Variants in FRK observed in about 807,000 individuals in gnomAD.
FRK encodes tyrosine-protein kinase FRK.
FRK carries 51 observed loss-of-function variants against 56.4 expected under a neutral mutation model. The observed-to-expected ratio is 0.90, with a 90% confidence interval of 0.72 to 1.14. The LOEUF is 1.14. FRK is among the 50% of genes most tolerant of loss of function. The probability of loss-of-function intolerance (pLI) is 0.00; values close to 1 mark genes in which losing one functional copy is unlikely to be tolerated. For missense variants in FRK, 570 were observed against 601.4 expected, an observed-to-expected ratio of 0.95 and a Z score of 0.55; for synonymous variants, 245 against 217.9, an observed-to-expected ratio of 1.12 and a Z score of -1.10.
At chr6:116,098,065 T>C in the FRK span, among the ~76,000 whole-genome samples, 1 of 151,656 alleles carries the variant, frequency 6.6e-6, no homozygotes, top group Non-Finnish European at 1.5e-5. Context: ...CAGGGTTGGT[T>C]TCTGGTGAAG....
the FRK span, among the ~76,000 whole-genome samples, chr6:116,084,252 G>A: frequency 4.6e-5 from 7 of 152,126 alleles, no homozygotes; most frequent in Non-Finnish European, 8.8e-5. Flanking sequence ...ACCAAAAGAA[G>A]ATAACCAATG....
At chr6:116,008,927 T>A (rs1027174939) in intron 1 of FRK, among the ~76,000 whole-genome samples, 2 of 152,154 alleles carry the variant, frequency 1.3e-5, no homozygotes, top group African/African-American at 4.8e-5. Flanking sequence ...AAGAAAAACC[T>A]TAGACAAATC....
rs115625824 is a variant in FRK at position 116,056,512 on chromosome 6, A to T, written c.344+3456T>A. Among the ~76,000 whole-genome samples the T allele has an allele frequency of 4.0e-3, 607 of 152,308 alleles. 3 individuals are homozygous for T. The highest frequency in any genetic ancestry group is 0.014 in the African/African-American group (573 of 41,572). ...AAACTCTTTGCAGATAAATGATGCT[A>T]CGTCTAATATTATTGCTGATCATAT... On this transcript the variant is annotated intron_variant, in intron 1 of 7. Coordinates refer to ENST00000606080, the MANE Select transcript of FRK (RefSeq NM_002031.3).
chr6:116,095,540 T>G, the FRK span, among the ~76,000 whole-genome samples: 27,127 of 152,166 alleles, frequency 0.18, 2,893 homozygotes, highest in African/African-American at 0.29. Flanking sequence ...ATGGACATCA[T>G]ACCCTATCAG....
At chr6:115,969,756 C>T (rs1773731488) in intron 2 of FRK, among the ~76,000 whole-genome samples, 1 of 152,110 alleles carries the variant, frequency 6.6e-6, no homozygotes, top group African/African-American at 2.4e-5. Flanking sequence ...GCAAGCTTGC[C>T]TGAGAAGAGA....
At chr6:116,095,321 A>G in the FRK span, among the ~76,000 whole-genome samples, 1 of 152,244 alleles carries the variant, frequency 6.6e-6, no homozygotes, top group African/African-American at 2.4e-5. Context: ...GTCTGCTCAA[A>G]CATGGGAGTT....
chr6:116,058,548 A>T (rs1276466631), intron 1 of FRK, among the ~76,000 whole-genome samples: 24 of 152,212 alleles, frequency 1.6e-4, no homozygotes, highest in Admixed American at 1.6e-3. Flanking sequence ...ACATAAAAAT[A>T]AGAAACACTT....
chr6:116,098,100 C>CTTT, the FRK span, among the ~76,000 whole-genome samples: 26 of 84,264 alleles, frequency 3.1e-4, 2 homozygotes, highest in Admixed American at 4.9e-4. Context: ...TTACAGACAG[C>CTTT]TTTTTTTTTT....
At position 115,938,851 on chromosome 6, in the gene FRK, G is replaced by A. The variant is rs1772096108; in HGVS notation, c.*3563C>T. ...ATTAATAGCCTACCAACCAAAAAAA[G>A]TCCAGGACCAGATAGATTCACAGCC... On this transcript the variant is annotated 3_prime_UTR_variant, in exon 8 of 8. Coordinates refer to ENST00000606080, the MANE Select transcript of FRK (RefSeq NM_002031.3). The A allele has an allele frequency of 6.6e-6, 1 of 152,080 alleles. No individual in the cohort carries two copies. The highest frequency in any genetic ancestry group is 1.5e-5 in the Non-Finnish European group (1 of 68,024). The allele number at this position is 152,080 out of a possible 1,614,324, so 9.4% of individuals were successfully genotyped here. A position where few individuals can be genotyped will look rare whatever the true frequency, so the allele number is the denominator to read the frequency against.
upstream of FRK, among the ~76,000 whole-genome samples, chr6:116,063,650 G>A (rs937059229): frequency 2.0e-5 from 3 of 152,100 alleles, no homozygotes; most frequent in African/African-American, 7.2e-5. Flanking sequence ...CGAGACTGTG[G>A]ATATGTTAAT....
chr6:116,023,105 A>G (rs1775941974), intron 1 of FRK, among the ~76,000 whole-genome samples: 1 of 152,220 alleles, frequency 6.6e-6, no homozygotes. Context: ...CCAACGTGAG[A>G]TGGCAATTCA....
chr6:115,985,213 G>A (rs78490470), intron 2 of FRK, among the ~76,000 whole-genome samples: 5,303 of 152,176 alleles, frequency 0.035, 104 homozygotes, highest in Non-Finnish European at 0.055. Flanking sequence ...CAGGGTGAGC[G>A]TTCCATGCAT....
In FRK at chr6:115,939,180, A is replaced by G. The variant is rs534486985; in HGVS notation, c.*3234T>C. On this transcript the variant is annotated 3_prime_UTR_variant, in exon 8 of 8. Coordinates refer to ENST00000606080, the MANE Select transcript of FRK (RefSeq NM_002031.3). The stretch of plus-strand genomic sequence containing the variant: ...CATCCCTGAGACACAAGGCTGGTTC[A>G]ACATACGCAAATCAATAAACACAAT... 1.3e-5 allele frequency: 2 copies of G among 152,344 alleles called. No homozygotes were observed. The highest frequency in any genetic ancestry group is 3.9e-4 in the East Asian group (2 of 5,188). 9.4% of individuals were successfully genotyped at this position (152,344 alleles called of 1,614,324 possible).
chr6:115,981,125 T>A (rs560767893), intron 2 of FRK, among the ~76,000 whole-genome samples: 2 of 152,236 alleles, frequency 1.3e-5, no homozygotes, highest in Non-Finnish European at 2.9e-5. Flanking sequence ...TGCCCAACAA[T>A]AAAATAGGCT....
chr6:116,074,629 T>C, the FRK span, among the ~76,000 whole-genome samples: 1 of 152,178 alleles, frequency 6.6e-6, no homozygotes, highest in Non-Finnish European at 1.5e-5. Context: ...GGACCATCCA[T>C]ATATATCAAA....
intron 1 of FRK, among the ~76,000 whole-genome samples, chr6:116,040,934 G>A (rs1412188767): frequency 6.6e-6 from 1 of 151,822 alleles, no homozygotes; most frequent in Non-Finnish European, 1.5e-5. Flanking sequence ...TAAAAATTTT[G>A]GATAATGGAG....
intron 1 of FRK, among the ~76,000 whole-genome samples, chr6:116,039,925 G>A (rs1305826869): frequency 5.3e-5 from 8 of 149,604 alleles, no homozygotes; most frequent in African/African-American, 2.0e-4. Context: ...CACGTGTGAG[G>A]GAATAAACAC....
intron 1 of FRK, among the ~76,000 whole-genome samples, chr6:116,013,606 T>C (rs1286386126): frequency 1.3e-5 from 2 of 152,180 alleles, no homozygotes; most frequent in Non-Finnish European, 2.9e-5. Context: ...TTATGATGCC[T>C]AGGAAAATGC....
the FRK span, among the ~76,000 whole-genome samples, chr6:116,095,098 A>G: frequency 6.6e-6 from 1 of 152,246 alleles, no homozygotes; most frequent in Non-Finnish European, 1.5e-5. Context: ...CTTTCTATCA[A>G]AAATCCTTAA....
Sources: gnomAD v4.1 joint callset for allele counts (sites outside exome capture counted in the v4.1 genomes callset) on GRCh38, gnomAD v4.1.1 for gene constraint, MANE v1.5 for transcripts, NCBI Gene and HGNC (gene_info 2026-07-23, HGNC 2026-07-21) for gene names.